Variants in PREX2 observed in about 807,000 individuals in gnomAD.
PREX2 encodes phosphatidylinositol 3,4,5-trisphosphate-dependent Rac exchanger 2 protein.
In PREX2, 107 loss-of-function variants were observed where a neutral mutation model predicts 203.2. The observed-to-expected ratio is 0.53, with a 90% CI of 0.45 to 0.62. The LOEUF is 0.62. Among genes scored for constraint, PREX2 ranks in the 20% least tolerant of loss-of-function variants. PREX2 has a pLI of 0.00. For missense variants in PREX2, 1,777 were observed against 1,955.9 expected (o/e 0.91, Z 1.72); for synonymous variants, 672 against 663.6 (o/e 1.01, Z -0.19).
intron 1 of PREX2, among the ~76,000 whole-genome samples, chr8:67,977,612 A>G (rs1425773436): frequency 6.6e-6 from 1 of 152,176 alleles, no homozygotes; most frequent in Non-Finnish European, 1.5e-5. Context: ...TCCCCTAGGT[A>G]GAATGAGGAA....
At chr8:68,182,803 A>C (rs1040516588) in intron 35 of PREX2, among the ~76,000 whole-genome samples, 1 of 151,906 alleles carries the variant, frequency 6.6e-6, no homozygotes, top group Non-Finnish European at 1.5e-5. Context: ...ATAATTTAGC[A>C]CAAGGAACAG....
chr8:68,075,072 G>A lies in PREX2; in HGVS notation c.1570-2325G>A, dbSNP rs140001455. 2.7e-3 allele frequency among the ~76,000 whole-genome samples: 406 copies of A among 152,250 alleles called. 1 individual carries two copies. The highest frequency in any genetic ancestry group is 8.9e-3 in the African/African-American group (370 of 41,552). On this transcript the variant is annotated intron_variant, in intron 14 of 39. Coordinates refer to ENST00000288368, the MANE Select transcript of PREX2 (RefSeq NM_024870.4). The stretch of plus-strand genomic sequence containing the variant: ...TCAATTCCTGTACGTTGTGATTTGG[G>A]TATGGATCACTCATAGTTCATAATT...
intron 34 of PREX2, among the ~76,000 whole-genome samples, chr8:68,156,649 T>C (rs912007817): frequency 6.6e-6 from 1 of 152,150 alleles, no homozygotes; most frequent in Non-Finnish European, 1.5e-5. Context: ...ACCTAAGGAA[T>C]AGTGACTAAA....
chr8:67,958,949 G>T (rs145244551), intron 1 of PREX2, among the ~76,000 whole-genome samples: 55 of 152,310 alleles, frequency 3.6e-4, no homozygotes, highest in African/African-American at 1.3e-3. Context: ...AGATAAGAAT[G>T]TGGAACTTGA....
intron 30 of PREX2, among the ~76,000 whole-genome samples, chr8:68,123,153 T>G (rs901947647): frequency 5.9e-5 from 9 of 152,032 alleles, no homozygotes; most frequent in Non-Finnish European, 1.2e-4. Context: ...TCTCTGAAGT[T>G]CTCTAAGAAC....
intron 25 of PREX2, among the ~76,000 whole-genome samples, chr8:68,112,986 T>A (rs369081674): frequency 7.9e-5 from 12 of 152,292 alleles, no homozygotes; most frequent in East Asian, 5.8e-4. Flanking sequence ...TTCTTATCAA[T>A]GGCACAAGGA....
rs756898898 is a variant in PREX2, at chr8:68,146,315, A to G, written c.4194A>G (p.Gly1398=). 6.2e-7 allele frequency: 1 copy of G among 1,612,950 alleles called. No individual in the cohort carries two copies. The highest frequency in any genetic ancestry group is 8.5e-7 in the Non-Finnish European group (1 of 1,179,450). The change falls in exon 34 of 40, where the codon GGA becomes GGG. Residue 1398 remains glycine (G), a synonymous_variant. Transcript: ENST00000288368. The part of the protein sequence containing the change: ...FEQLPQRLKN[G]GGFKIHPVLF... ...AACTTCCTCAACGGCTGAAAAATGG[A>G]GGAGGGTTTAAAATTCATCCTGTTC... is the stretch of plus-strand genomic sequence containing the variant.
chr8:67,978,935 G>T (rs1806189020), intron 1 of PREX2, among the ~76,000 whole-genome samples: 1 of 152,114 alleles, frequency 6.6e-6, no homozygotes, highest in African/African-American at 2.4e-5. Context: ...TCTCTAAAAA[G>T]AAGTTCTAAA....
chr8:67,958,087 G>C (rs1805537550), intron 1 of PREX2, among the ~76,000 whole-genome samples: 1 of 152,200 alleles, frequency 6.6e-6, no homozygotes, highest in South Asian at 2.1e-4. Flanking sequence ...CTTGATCTTA[G>C]ATTTCTAAGC....
chr8:68,065,479 A>C (rs1259614527), intron 11 of PREX2, among the ~76,000 whole-genome samples: 1 of 152,208 alleles, frequency 6.6e-6, no homozygotes, highest in Non-Finnish European at 1.5e-5. Context: ...TTTTTTAAAA[A>C]GAACAATTTT....
intron 11 of PREX2, among the ~76,000 whole-genome samples, chr8:68,063,315 T>C (rs1290184518): frequency 6.6e-6 from 1 of 152,168 alleles, no homozygotes; most frequent in African/African-American, 2.4e-5. Flanking sequence ...ATGGCATTTC[T>C]TAGTTTTCCT....
chr8:68,038,038 T>C (rs1464217767), intron 6 of PREX2, 121 bp from the exon 7 acceptor site: 4 of 1,050,268 alleles, frequency 3.8e-6, no homozygotes, highest in African/African-American at 1.6e-5. Flanking sequence ...CTGCTTGCAC[T>C]TTAGCCTGTG....
At chr8:68,155,164 A>G (rs1049211037) in intron 34 of PREX2, among the ~76,000 whole-genome samples, 3 of 152,136 alleles carry the variant, frequency 2.0e-5, no homozygotes, top group African/African-American at 7.2e-5. Context: ...GCCTCATCCA[A>G]TATCTGCTGA....
chr8:67,960,512 T>C (rs1054518744), intron 1 of PREX2, among the ~76,000 whole-genome samples: 4 of 152,030 alleles, frequency 2.6e-5, no homozygotes, highest in Non-Finnish European at 4.4e-5. Context: ...ACAAGTTTAA[T>C]AGAAGAAGGT....
chr8:68,156,189 T>C (rs983214547), intron 34 of PREX2, among the ~76,000 whole-genome samples: 7 of 152,148 alleles, frequency 4.6e-5, no homozygotes, highest in Non-Finnish European at 1.0e-4. Context: ...GCCTCCTGAG[T>C]AACTAGGACT....
chr8:68,106,108 G>A, intron 23 of PREX2: 1 of 322,660 alleles, frequency 3.1e-6, no homozygotes, highest in South Asian at 2.5e-5. Context: ...TGGAATAGAT[G>A]CCTCTCTTCT....
intron 28 of PREX2, 108 bp downstream of exon 28, chr8:68,119,622 T>G: frequency 1.3e-6 from 1 of 765,590 alleles, no homozygotes; most frequent in Non-Finnish European, 2.3e-6. Context: ...GGCCTCAATC[T>G]GTCCTTCCAC....
Position 68,185,734 on chromosome 8 carries a change from A to G in PREX2, c.4347-5988A>G, listed in dbSNP as rs549473941. Among the ~76,000 whole-genome samples, 7 of 122,986 alleles carry G rather than the reference A, an allele frequency of 5.7e-5. 1 individual carries two copies. Among genetic ancestry groups the G allele is most frequent in the Non-Finnish European group, 1.1e-4 (6 of 55,758 alleles). The allele number at this position is 122,986 out of a possible 152,430, so 80.7% of individuals were successfully genotyped here. ...ATCCTATAGGGACTAAATGAAAGAA[A>G]TAGTGTCATAATATATTTATTTTAC... On this transcript the variant is annotated intron_variant, in intron 35 of 39. Transcript: ENST00000288368.
Position 68,120,777 on chromosome 8 carries a change from C to T in PREX2, c.3596-144C>T, listed in dbSNP as rs184369765. 1,296 of 661,256 alleles carry T rather than the reference C, an allele frequency of 2.0e-3. 7 individuals carry two copies. Among genetic ancestry groups the T allele is most frequent in the Middle Eastern group, 0.016 (45 of 2,856 alleles). 41.0% of individuals were successfully genotyped at this position (661,256 alleles called of 1,614,324 possible). ...TGAAGGTTTGACTTTTTACATTTAA[C>T]GGATTTTCTGATGGTGTGGCAAAAG... is the stretch of plus-strand genomic sequence containing the variant. On this transcript the variant is annotated intron_variant, in intron 29 of 39. Coordinates refer to ENST00000288368, the MANE Select transcript of PREX2 (RefSeq NM_024870.4).
Sources: gnomAD v4.1 joint callset for allele counts (sites outside exome capture counted in the v4.1 genomes callset) on GRCh38, gnomAD v4.1.1 for gene constraint, MANE v1.5 for transcripts, NCBI Gene and HGNC (gene_info 2026-07-23, HGNC 2026-07-21) for gene names.